CCDC144A: variants seen among roughly 807,000 people sequenced by gnomAD.
CCDC144A encodes the protein coiled-coil domain-containing protein 144A.
A neutral mutation model predicts 143.8 loss-of-function variants in CCDC144A; 41 were observed. The observed-to-expected ratio is 0.29, with a 90% CI of 0.22 to 0.37. CCDC144A has a LOEUF of 0.37. CCDC144A is among the 10% of genes least tolerant of loss of function. The probability of loss-of-function intolerance (pLI) is 1.00; values close to 1 mark genes in which losing one functional copy is unlikely to be tolerated. For missense variants in CCDC144A, 637 were observed against 1,488.8 expected, an observed-to-expected ratio of 0.43 and a Z score of 9.41; for synonymous variants, 242 against 517.9, an observed-to-expected ratio of 0.47 and a Z score of 7.23.
intron 12 of CCDC144A, among the ~76,000 whole-genome samples, chr17:16,744,918 C>T (rs879204796): frequency 6.6e-6 from 1 of 152,104 alleles, no homozygotes; most frequent in African/African-American, 2.4e-5. Context: ...TGCTATATCT[C>T]GTTTATCCCT....
chr17:16,670,404 C>G, the CCDC144A span, among the ~76,000 whole-genome samples: 1 of 149,748 alleles, frequency 6.7e-6, no homozygotes, highest in African/African-American at 2.4e-5. Context: ...TCTCCTGCCT[C>G]AGCCTCCTGA....
chr17:16,674,190 G>A, the CCDC144A span, among the ~76,000 whole-genome samples: 1 of 151,998 alleles, frequency 6.6e-6, no homozygotes, highest in South Asian at 2.1e-4. Context: ...GAGGTGGGAG[G>A]ATCACCTGAG....
the CCDC144A span, chr17:16,683,530 G>A: frequency 2.6e-6 from 4 of 1,546,312 alleles, no homozygotes; most frequent in Non-Finnish European, 3.6e-6. Context: ...GCCGTGAGGA[G>A]GGGCGGCAAG....
chr17:16,686,342 A>G (rs1214186643), upstream of CCDC144A, among the ~76,000 whole-genome samples: 1 of 151,598 alleles, frequency 6.6e-6, no homozygotes, highest in Non-Finnish European at 1.5e-5. Flanking sequence ...CTGTGGCCAA[A>G]CTCTCCATTT....
At chr17:16,684,278 C>T in the CCDC144A span, 1 of 802,764 alleles carries the variant, frequency 1.2e-6, no homozygotes, top group Non-Finnish European at 2.3e-6. Flanking sequence ...ACCAAATAAG[C>T]TAAGTTTACT....
rs182663400 is a variant in CCDC144A, at chr17:16,746,421, G to A, written c.3372+10778G>A. 7,193 of 1,570,924 alleles carry A rather than the reference G, an allele frequency of 4.6e-3. 16 individuals are homozygous for A. The highest frequency in any genetic ancestry group is 4.8e-3 in the Non-Finnish European group (5,498 of 1,142,876). On this transcript the variant is annotated intron_variant, in intron 12 of 16. Transcript: ENST00000399273. ...CTATTTTTAATATATTCCAAAAGAG[G>A]TGTGGTTCTTCTAGCAATGAGCTCT...
At chr17:16,725,213 G>A (rs1390375868) in intron 8 of CCDC144A, among the ~76,000 whole-genome samples, 1 of 151,022 alleles carries the variant, frequency 6.6e-6, no homozygotes, top group Non-Finnish European at 1.5e-5. Flanking sequence ...CTGACAATCT[G>A]CCTTTTAATT....
At chr17:16,698,363 A>T (rs1329372788) in intron 2 of CCDC144A, among the ~76,000 whole-genome samples, 1 of 151,960 alleles carries the variant, frequency 6.6e-6, no homozygotes, top group African/African-American at 2.4e-5. Flanking sequence ...TTAACCTTTT[A>T]AAAGCCTTCA....
chr17:16,723,282 A>C (rs1913199981), intron 8 of CCDC144A, among the ~76,000 whole-genome samples: 1 of 152,124 alleles, frequency 6.6e-6, no homozygotes, highest in African/African-American at 2.4e-5. Context: ...TAGTCACATA[A>C]AGCTTACCTT....
chr17:16,683,061 A>G, the CCDC144A span, among the ~76,000 whole-genome samples: 1 of 151,534 alleles, frequency 6.6e-6, no homozygotes, highest in South Asian at 2.1e-4. Flanking sequence ...GGAGGTTACC[A>G]GGGGTGGAAG....
chr17:16,752,406 A>T (rs552697051), intron 12 of CCDC144A, among the ~76,000 whole-genome samples: 1 of 152,244 alleles, frequency 6.6e-6, no homozygotes, highest in East Asian at 1.9e-4. Flanking sequence ...GAGGGAGCAC[A>T]CCCGGCTCCC....
intron 12 of CCDC144A, among the ~76,000 whole-genome samples, chr17:16,750,074 G>A (rs1390737813): frequency 1.3e-5 from 2 of 152,106 alleles, no homozygotes; most frequent in Admixed American, 6.6e-5. Flanking sequence ...TTTTAAGTGA[G>A]GCATTTAGAC....
At chr17:16,761,849 T>G (rs1915391314) in intron 13 of CCDC144A, 131 bp downstream of exon 13, 1 of 1,240,214 alleles carries the variant, frequency 8.1e-7, no homozygotes, top group Non-Finnish European at 1.1e-6. Context: ...AGGAAGGTGG[T>G]ATTTGTTTCT....
chr17:16,771,933 A>T lies in CCDC144A; in HGVS notation c.4099-44A>T, dbSNP rs555707879. 2.2e-4 allele frequency: 323 copies of T among 1,463,278 alleles called. 2 individuals carry two copies. In the South Asian group the frequency reaches 3.9e-3, roughly 18 times the overall value. 90.6% of individuals were successfully genotyped at this position (1,463,278 alleles called of 1,614,324 possible). The stretch of plus-strand genomic sequence containing the variant: ...GTAATTAATGCTCCTTACCATGATA[A>T]TGTATCTTCTTAAACGTTATAAATA... On this transcript the variant is annotated intron_variant, in intron 15 of 16. Coordinates refer to ENST00000399273, the MANE Select transcript of CCDC144A (RefSeq NM_001382000.1).
At chr17:16,755,501 C>G (rs1915035834) in intron 12 of CCDC144A, among the ~76,000 whole-genome samples, 1 of 152,084 alleles carries the variant, frequency 6.6e-6, no homozygotes, top group Non-Finnish European at 1.5e-5. Flanking sequence ...TAGGATCAGT[C>G]TAGTGGTGAT....
intron 12 of CCDC144A, among the ~76,000 whole-genome samples, chr17:16,739,771 C>T (rs1402084681): frequency 6.6e-6 from 1 of 152,006 alleles, no homozygotes; most frequent in Non-Finnish European, 1.5e-5. Context: ...CTATGTCTAT[C>T]CTTATGCCAG....
In CCDC144A at chr17:16,710,421, C is replaced by A. The variant is rs2143128006; in HGVS notation, c.1578+786C>A. 3 of 151,940 alleles carry A rather than the reference C, an allele frequency of 2.0e-5. 1 individual carries two copies. In the South Asian group the frequency reaches 6.3e-4, roughly 32 times the overall value. 9.4% of individuals were successfully genotyped at this position (151,940 alleles called of 1,614,324 possible). On this transcript the variant is annotated intron_variant, in intron 5 of 16. Coordinates refer to ENST00000399273, the MANE Select transcript of CCDC144A (RefSeq NM_001382000.1). ...AAGTATCCAGCCCTGAGAGCTGCAG[C>A]AAATATTCCTGGCCAATGAATCTGT...
chr17:16,759,384 A>T (rs1175057955), intron 12 of CCDC144A, among the ~76,000 whole-genome samples: 1 of 152,240 alleles, frequency 6.6e-6, no homozygotes, highest in Non-Finnish European at 1.5e-5. Context: ...TATTATAAAA[A>T]GTCAGAAAAT....
intron 14 of CCDC144A, 78 bp from the exon 15 acceptor site, chr17:16,763,887 T>G: frequency 7.0e-7 from 1 of 1,431,476 alleles, no homozygotes; most frequent in Non-Finnish European, 9.3e-7. Context: ...ATGGCAACTT[T>G]TAGAACAATC....
Sources: allele counts gnomAD v4.1 joint callset (sites outside exome capture counted in the v4.1 genomes callset), GRCh38; gene constraint gnomAD v4.1.1; transcripts MANE v1.5; gene names NCBI Gene and HGNC (gene_info 2026-07-23, HGNC 2026-07-21).